The following GTPBP4 variants were observed in gnomAD, a reference collection of about 807,000 sequenced individuals.
GTPBP4 encodes the protein GTP binding protein 4.
In GTPBP4, 15 loss-of-function variants were observed where a neutral mutation model predicts 81.7. The observed-to-expected ratio is 0.18, with a 90% CI of 0.12 to 0.28. The LOEUF (loss-of-function observed/expected upper bound fraction) is 0.28. GTPBP4 is among the 10% of genes least tolerant of loss of function. The probability of loss-of-function intolerance (pLI) is 1.00; values close to 1 mark genes in which losing one functional copy is unlikely to be tolerated. For missense variants in GTPBP4, 847 were observed against 793.8 expected (o/e 1.07, Z -0.81); for synonymous variants, 272 against 274.6 (o/e 0.99, Z 0.09).
At chr10:1,005,460 G>A (rs1159874318) in intron 8 of GTPBP4, among the ~76,000 whole-genome samples, 3 of 151,950 alleles carry the variant, frequency 2.0e-5, no homozygotes, top group African/African-American at 7.3e-5. Context: ...GTTTTCTTTG[G>A]GCTGTATTTC....
At chr10:1,004,205 G>C (rs1831685398) in intron 8 of GTPBP4, among the ~76,000 whole-genome samples, 1 of 152,158 alleles carries the variant, frequency 6.6e-6, no homozygotes, top group Non-Finnish European at 1.5e-5. Context: ...GGGCCCAGCA[G>C]TATCCCAGAC....
At chr10:1,012,859 T>C (rs1831904402) in intron 14 of GTPBP4, among the ~76,000 whole-genome samples, 197 bp downstream of exon 14, 1 of 152,252 alleles carries the variant, frequency 6.6e-6, no homozygotes, top group African/African-American at 2.4e-5. Flanking sequence ...CTTGGTGACT[T>C]TCAGCTTCGA....
intron 12 of GTPBP4, among the ~76,000 whole-genome samples, chr10:1,010,088 CGTGTGGGTGTTG>C (rs1564470307): frequency 2.7e-5 from 4 of 149,408 alleles, no homozygotes; most frequent in African/African-American, 9.8e-5. Context: ...GCTTTCTCCA[CGTGTGGGTGTTG>C]AATGAGGCTG....
intron 15 of GTPBP4, among the ~76,000 whole-genome samples, chr10:1,015,115 G>C (rs1831951809): frequency 6.6e-6 from 1 of 152,098 alleles, no homozygotes; most frequent in African/African-American, 2.4e-5. Flanking sequence ...TTTTAAATGA[G>C]AGTTCTAAGT....
intron 4 of GTPBP4, 136 bp from the exon 5 acceptor site, chr10:997,072 C>T: frequency 2.9e-6 from 2 of 682,278 alleles, no homozygotes; most frequent in Non-Finnish European, 5.3e-6. Flanking sequence ...ACTATTTTCT[C>T]CATCACTTTT....
intron 1 of GTPBP4, among the ~76,000 whole-genome samples, 164 bp from the exon 2 acceptor site, chr10:992,324 TG>T (rs1314425465): frequency 6.9e-6 from 1 of 144,488 alleles, no homozygotes; most frequent in Non-Finnish European, 1.5e-5. Context: ...GGCATGAACC[TG>T]GGAGGCGGAG....
intron 10 of GTPBP4, chr10:1,007,942 A>G (rs770080035): frequency 3.5e-5 from 18 of 518,028 alleles, no homozygotes; most frequent in African/African-American, 2.7e-4. Flanking sequence ...TGTATTACAA[A>G]GGTTGGATTC....
rs1439028035 is a variant in GTPBP4, at chr10:1,017,091, A to G, written c.1769A>G (p.Lys590Arg). The change falls in exon 17 of 17, where the codon AAG (lysine) becomes AGG (arginine). Residue 590 changes from lysine to arginine, a missense_variant. Transcript: ENST00000360803. ...LRDVKMVKKA[K>R]TMMKNAQKKM... ...TCCTTTTAGATGGTGAAGAAAGCCAAGACTATGATGAAGAATGCTCAGAAG... is the reference window on the plus strand; with the variant it reads ...TCCTTTTAGATGGTGAAGAAAGCCAGGACTATGATGAAGAATGCTCAGAAG... The G allele has an allele frequency of 2.5e-6, 4 of 1,613,298 alleles. No individual in the cohort carries two copies. Among genetic ancestry groups the G allele is most frequent in the African/African-American group, 1.3e-5 (1 of 74,890 alleles).
intron 15 of GTPBP4, 26 bp downstream of exon 15, chr10:1,014,338 T>C: frequency 6.5e-7 from 1 of 1,538,262 alleles, no homozygotes; most frequent in Non-Finnish European, 9.0e-7. Flanking sequence ...GTTCATGTGT[T>C]TATGTGGCTG....
intron 1 of GTPBP4, among the ~76,000 whole-genome samples, chr10:990,600 G>C (rs916180682): frequency 6.6e-6 from 1 of 151,456 alleles, no homozygotes; most frequent in East Asian, 1.9e-4. Context: ...GCGGGCGCCT[G>C]TAGTCCCAGC....
At chr10:1,015,378 A>G (rs1564472187) in intron 15 of GTPBP4, among the ~76,000 whole-genome samples, 2 of 139,506 alleles carry the variant, frequency 1.4e-5, no homozygotes, top group South Asian at 2.2e-4. Flanking sequence ...TGGGGTCCTG[A>G]GCTCTGAGCC....
At chr10:1,008,883 T>G (rs966083873) in intron 10 of GTPBP4, 75 bp from the exon 11 acceptor site, 2 of 1,096,782 alleles carry the variant, frequency 1.8e-6, no homozygotes, top group Non-Finnish European at 1.4e-6. Context: ...GGGAATTTGT[T>G]TCTACTTTTT....
Position 1,009,022 on chromosome 10 carries a change from C to T in GTPBP4, c.1178C>T (p.Ser393Phe), listed in dbSNP as rs201448915. The T allele has an allele frequency of 9.3e-6, 15 of 1,610,232 alleles. No individual in the cohort carries two copies. In the African/African-American group the frequency reaches 1.9e-4, roughly 20 times the overall value. The change falls in exon 11 of 17, where the codon TCC becomes TTC. Residue 393 changes from serine to phenylalanine, a missense_variant. Physicochemically the swap from Ser to Phe is radical, Grantham distance 155 (BLOSUM62 -2). Transcript: ENST00000360803. ...AGGAAGAGGATGGAAACTGAGGAGTCCAGGAAGAAGAGGGTATGCTGCCGA... is the reference window on the plus strand; with the variant it reads ...AGGAAGAGGATGGAAACTGAGGAGTTCAGGAAGAAGAGGGTATGCTGCCGA... The part of the protein sequence containing the change: ...ARRKRMETEE[S>F]RKKRERDLEL...
At chr10:997,727 C>T (rs11253557) in intron 5 of GTPBP4, among the ~76,000 whole-genome samples, 18,873 of 152,236 alleles carry the variant, frequency 0.12, 1,578 homozygotes, top group Non-Finnish European at 0.19. Flanking sequence ...AGCGGGGCTC[C>T]GGTGGCAGGT....
chr10:1,007,899 C>A (rs1831775171), intron 10 of GTPBP4: 1 of 517,296 alleles, frequency 1.9e-6, no homozygotes, highest in African/African-American at 1.9e-5. Flanking sequence ...GTTCTTTAGG[C>A]TGTTTATCTT....
chr10:997,719 C>G (rs1384673872), intron 5 of GTPBP4, among the ~76,000 whole-genome samples: 1 of 152,198 alleles, frequency 6.6e-6, no homozygotes, highest in Non-Finnish European at 1.5e-5. Flanking sequence ...GCTATGCCAG[C>G]GGGGCTCCGG....
intron 15 of GTPBP4, among the ~76,000 whole-genome samples, chr10:1,015,429 G>GGGGTCCT (rs1831963221): frequency 9.2e-6 from 1 of 108,248 alleles, no homozygotes; most frequent in Admixed American, 9.1e-5. Context: ...GCCTGGGAGT[G>GGGGTCCT]GACCTGGGGT....
At chr10:1,010,579 G>GC in intron 13 of GTPBP4, 59 bp downstream of exon 13, 1 of 927,826 alleles carries the variant, frequency 1.1e-6, no homozygotes, top group Non-Finnish European at 1.8e-6. Flanking sequence ...AGTATTGCTG[G>GC]AAGATAGCAG....
chr10:993,710 C>T (rs553975838), intron 2 of GTPBP4, among the ~76,000 whole-genome samples: 1 of 152,286 alleles, frequency 6.6e-6, no homozygotes, highest in Non-Finnish European at 1.5e-5. Flanking sequence ...TGCCGTTGCC[C>T]CAGAATAGTC....
Sources: gnomAD v4.1 joint callset for allele counts (sites outside exome capture counted in the v4.1 genomes callset) on GRCh38, gnomAD v4.1.1 for gene constraint, MANE v1.5 for transcripts, NCBI Gene and HGNC (gene_info 2026-07-23, HGNC 2026-07-21) for gene names.